PRPF6: variants seen among roughly 807,000 people sequenced by gnomAD.
PRPF6 encodes the protein pre-mRNA-processing factor 6.
In PRPF6, 42 loss-of-function variants were observed where a neutral mutation model predicts 118.3. The observed-to-expected ratio is 0.35, with a 90% CI of 0.28 to 0.46. PRPF6 has a LOEUF of 0.46. Ranked by LOEUF, PRPF6 falls within the 20% of genes least tolerant of loss-of-function variation. The pLI is 1.00. For synonymous variants in PRPF6, 481 were observed against 485.1 expected, an observed-to-expected ratio of 0.99 and a Z score of 0.11; for missense variants, 662 against 1,255.7, an observed-to-expected ratio of 0.53 and a Z score of 7.15.
chr20:63,988,719 A>G (rs1007927032), intron 3 of PRPF6, among the ~76,000 whole-genome samples: 2 of 151,562 alleles, frequency 1.3e-5, no homozygotes, highest in Non-Finnish European at 2.9e-5. Flanking sequence ...AAATACAAAA[A>G]TTAGTTGGGC....
chr20:63,983,222 T>A lies in PRPF6; in HGVS notation c.240+7T>A. The A allele has an allele frequency of 6.2e-7, 1 of 1,614,182 alleles. No individual in the cohort carries two copies. Among genetic ancestry groups the A allele is most frequent in the Non-Finnish European group, 8.5e-7 (1 of 1,180,018 alleles). On this transcript the variant is annotated splice_region_variant and intron_variant, in intron 2 of 20. Transcript: ENST00000266079. ...TGACACCAATTACGATGAGGTGAGATGTGTCCGGCTTTCGTGGCTCCTCCA... is the reference window on the plus strand; with the variant it reads ...TGACACCAATTACGATGAGGTGAGAAGTGTCCGGCTTTCGTGGCTCCTCCA...
intron 9 of PRPF6, among the ~76,000 whole-genome samples, chr20:64,007,100 C>T (rs1022170229): frequency 1.3e-5 from 2 of 152,220 alleles, no homozygotes; most frequent in African/African-American, 4.8e-5. Flanking sequence ...GAGGCATCTG[C>T]CCCATAGCTT....
chr20:64,009,460 C>T (rs1037533951), intron 9 of PRPF6, among the ~76,000 whole-genome samples: 4 of 151,452 alleles, frequency 2.6e-5, no homozygotes, highest in Admixed American at 1.3e-4. Flanking sequence ...CCGTGGCTGA[C>T]GCCCATAATC....
At chr20:64,019,675 G>T (rs900755860) in intron 12 of PRPF6, among the ~76,000 whole-genome samples, 21 of 152,316 alleles carry the variant, frequency 1.4e-4, no homozygotes, top group Non-Finnish European at 2.8e-4. Context: ...ACAGAGAGGG[G>T]CATAGACCAG....
At chr20:64,007,397 G>GTCCCCTCT (rs1491372253) in intron 9 of PRPF6, among the ~76,000 whole-genome samples, 1 of 34,858 alleles carries the variant, frequency 2.9e-5, no homozygotes, top group East Asian at 1.0e-3. Context: ...TCTGCCTCCC[G>GTCCCCTCT]TCCCCTCTTC....
At chr20:64,013,416 T>C (rs987855927) in intron 11 of PRPF6, among the ~76,000 whole-genome samples, 1 of 152,114 alleles carries the variant, frequency 6.6e-6, no homozygotes, top group African/African-American at 2.4e-5. Context: ...TTTGTCTTTC[T>C]TTCCTTCCTT....
chr20:64,019,181 C>G (rs2059252484), intron 12 of PRPF6, among the ~76,000 whole-genome samples: 1 of 150,776 alleles, frequency 6.6e-6, no homozygotes, highest in Admixed American at 6.6e-5. Context: ...TCACTGCAAC[C>G]TCCGCCTCCC....
intron 1 of PRPF6, among the ~76,000 whole-genome samples, chr20:63,981,830 A>G (rs1357626949): frequency 6.6e-6 from 1 of 152,004 alleles, no homozygotes; most frequent in East Asian, 1.9e-4. Context: ...TCTGTGGGGC[A>G]CACACAAGCT....
chr20:63,993,368 C>T, intron 3 of PRPF6, 39 bp from the exon 4 acceptor site: 1 of 1,495,622 alleles, frequency 6.7e-7, no homozygotes. Flanking sequence ...TCAGAACAGA[C>T]ATGCAGTGTT....
intron 3 of PRPF6, among the ~76,000 whole-genome samples, chr20:63,990,985 A>G (rs1246486324): frequency 6.6e-6 from 1 of 151,966 alleles, no homozygotes; most frequent in Non-Finnish European, 1.5e-5. Flanking sequence ...TATGTTGCCC[A>G]GGCTGGTCTT....
intron 14 of PRPF6, among the ~76,000 whole-genome samples, chr20:64,025,377 C>T (rs2059284545): frequency 6.6e-6 from 1 of 152,174 alleles, no homozygotes; most frequent in African/African-American, 2.4e-5. Flanking sequence ...TTCAGACAGC[C>T]CTGGGCACCG....
Position 64,027,138 on chromosome 20 carries a change from C to T in PRPF6, c.2185C>T (p.Arg729Trp), listed in dbSNP as rs387907100. 8.1e-6 allele frequency: 13 copies of T among 1,613,654 alleles called. No individual in the cohort carries two copies. Among genetic ancestry groups the T allele is most frequent in the South Asian group, 2.2e-5 (2 of 91,060 alleles). ...EEQKEMMEKA[R>W]EAYNQGLKKC... ...GCAGAAGGAGATGATGGAGAAGGCG[C>T]GGGAAGCCTATAACCAGGGGGTACG... is the stretch of plus-strand genomic sequence containing the variant. The change falls in exon 16 of 21, where the codon CGG (arginine) becomes TGG (tryptophan). Residue 729 changes from arginine (R) to tryptophan (W), a missense_variant. Arg to Trp is a moderately radical substitution (Grantham distance 101). Around this residue, in one of 10 missense-constraint regions of PRPF6, gnomAD observed 244 missense variants for 383.7 expected, o/e 0.64. Coordinates refer to ENST00000266079, the MANE Select transcript of PRPF6 (RefSeq NM_012469.4). This position sits in a 1 kb window ranked among gnomAD's most constrained non-coding sequence, Gnocchi z 6.5.
At chr20:64,032,715 C>T in intron 20 of PRPF6, 126 bp from the exon 21 acceptor site, 2 of 1,256,514 alleles carry the variant, frequency 1.6e-6, no homozygotes, top group Non-Finnish European at 2.2e-6. Flanking sequence ...GGGCCTGTGC[C>T]CTCTGGCCCG....
chr20:63,992,052 G>C (rs1211419740), intron 3 of PRPF6, among the ~76,000 whole-genome samples: 1 of 152,104 alleles, frequency 6.6e-6, no homozygotes, highest in African/African-American at 2.4e-5. Context: ...AGTGTTTGGT[G>C]GTAACTAGGA....
At position 64,029,618 on chromosome 20, in the gene PRPF6, G is replaced by C; in HGVS notation, c.2546+127G>C. The C allele has an allele frequency of 1.2e-6, 1 of 809,838 alleles. No homozygotes were observed. 50.2% of individuals were successfully genotyped at this position (809,838 alleles called of 1,614,324 possible). A position where few individuals can be genotyped will look rare whatever the true frequency, so the allele number is the denominator to read the frequency against. On this transcript the variant is annotated intron_variant, in intron 19 of 20. Coordinates refer to ENST00000266079, the MANE Select transcript of PRPF6 (RefSeq NM_012469.4). This position sits in a 1 kb window ranked among gnomAD's most constrained non-coding sequence, Gnocchi z 4.8. ...GCAGGGTGGGCTTCCCCGATCCTCG[G>C]CTGCCGTCGCTCCTGCTGTGGTCTG...
intron 3 of PRPF6, among the ~76,000 whole-genome samples, chr20:63,986,523 C>T (rs1203141620): frequency 4.1e-5 from 6 of 145,718 alleles, no homozygotes; most frequent in African/African-American, 1.3e-4. Context: ...GAGTCTCGCT[C>T]TGTTGCCCAG....
In PRPF6 at chr20:63,994,534, C is replaced by T. The variant is rs185033760; in HGVS notation, c.439-382C>T. 3.3e-4 allele frequency among the ~76,000 whole-genome samples: 51 copies of T among 152,276 alleles called. 1 individual carries two copies. In the East Asian group the frequency reaches 7.9e-3, roughly 24 times the overall value. ...GTGGCTCACATCTGTAATCTCAGCA[C>T]TTTGGGAGGCTGAGGTGGGAGGATC... On this transcript the variant is annotated intron_variant, in intron 4 of 20. Coordinates refer to ENST00000266079, the MANE Select transcript of PRPF6 (RefSeq NM_012469.4).
intron 3 of PRPF6, among the ~76,000 whole-genome samples, chr20:63,991,802 A>C (rs1039039683): frequency 3.9e-5 from 6 of 152,036 alleles, no homozygotes; most frequent in African/African-American, 1.5e-4. Flanking sequence ...AAAAAAAAAA[A>C]GTAGTGTACT....
At chr20:63,993,725 A>T (rs545300562) in intron 4 of PRPF6, among the ~76,000 whole-genome samples, 1 of 151,430 alleles carries the variant, frequency 6.6e-6, no homozygotes, top group East Asian at 1.9e-4. Context: ...TTTTGACTCC[A>T]TTTATACCTA....
Sources: gnomAD v4.1 joint callset for allele counts (sites outside exome capture counted in the v4.1 genomes callset) on GRCh38, gnomAD v4.1.1 for gene constraint, gnomAD v4.1.1 regional missense constraint, Gnocchi (gnomAD v3.1) non-coding constraint, MANE v1.5 for transcripts, NCBI Gene and HGNC (gene_info 2026-07-23, HGNC 2026-07-21) for gene names.